The following LRRC37B variants were observed in gnomAD, a reference collection of about 807,000 sequenced individuals.
LRRC37B encodes leucine-rich repeat-containing protein 37B.
LRRC37B carries 28 observed loss-of-function variants against 98.3 expected under a neutral mutation model. That is an observed-to-expected ratio of 0.28 (90% CI 0.21 to 0.39). LRRC37B has a LOEUF of 0.39. Among genes scored for constraint, LRRC37B ranks in the 10% least tolerant of loss-of-function variants. LRRC37B has a pLI of 1.00. For synonymous variants in LRRC37B, 364 were observed against 442.7 expected (o/e 0.82, Z 2.23); for missense variants, 938 against 1,182.7 (o/e 0.79, Z 3.03).
At chr17:32,048,039 G>A in intron 9 of LRRC37B, 138 bp downstream of exon 12, 1 of 1,432,578 alleles carries the variant, frequency 7.0e-7, no homozygotes, top group East Asian at 2.3e-5. Context: ...AAATGTACAA[G>A]ATGGAGATAG....
intron 7 of LRRC37B, chr17:32,040,819 A>T (rs1911404362): frequency 1.2e-6 from 1 of 822,204 alleles, no homozygotes; most frequent in Non-Finnish European, 2.1e-6. Context: ...GACTCCCTGG[A>T]CATAGAGGTC....
exon 1 of LRRC37B, chr17:32,021,396 T>C (rs1910774344): frequency 2.5e-6 from 4 of 1,613,800 alleles, no homozygotes; most frequent in African/African-American, 1.3e-5. Context: ...TTCGCAGATG[T>C]CAGCCCTGCC....
intron 7 of LRRC37B, among the ~76,000 whole-genome samples, chr17:32,039,592 T>TA: frequency 7.7e-6 from 1 of 130,530 alleles, no homozygotes; most frequent in East Asian, 2.1e-4. Context: ...TTTTATATAT[T>TA]TATATATATT....
chr17:32,035,106 A>G, intron 6 of LRRC37B, 125 bp downstream of exon 9: 1 of 711,222 alleles, frequency 1.4e-6, no homozygotes, highest in Non-Finnish European at 2.3e-6. Context: ...AGTTATTGAA[A>G]AAAGTTATTG....
At chr17:32,021,150 T>C in exon 1 of LRRC37B, 1 of 1,614,010 alleles carries the variant, frequency 6.2e-7, no homozygotes, top group Non-Finnish European at 8.5e-7. Flanking sequence ...GTGTGTCATG[T>C]CTTGGCTGCG....
chr17:32,024,853 G>A (rs958356959), intron 2 of LRRC37B, 71 bp downstream of exon 5: 2 of 1,570,820 alleles, frequency 1.3e-6, no homozygotes, highest in Admixed American at 1.8e-5. Context: ...CCAGAATTTT[G>A]AGGTCCATAC....
chr17:32,046,599 C>CTTTTTTT (rs796570580), intron 8 of LRRC37B, among the ~76,000 whole-genome samples: 9 of 132,864 alleles, frequency 6.8e-5, no homozygotes, highest in Admixed American at 2.3e-4. Context: ...TTCTTTTTTT[C>CTTTTTTT]TTTTTTTTTT....
At chr17:32,029,066 A>T (rs1408003637) in intron 3 of LRRC37B, 1 of 151,690 alleles carries the variant, frequency 6.6e-6, no homozygotes, top group Middle Eastern at 3.2e-3. Flanking sequence ...CTGTGGTGCG[A>T]TCTCGGCTCA....
exon 1 of LRRC37B, chr17:32,022,640 G>T (rs759546606): frequency 1.2e-6 from 2 of 1,613,826 alleles, no homozygotes; most frequent in African/African-American, 1.3e-5. Flanking sequence ...TAGAATCTTC[G>T]CAGGATTCAT....
At chr17:32,011,502 A>G (rs1193039103) in intron 1 of LRRC37B, among the ~76,000 whole-genome samples, 1 of 142,088 alleles carries the variant, frequency 7.0e-6, no homozygotes, top group Non-Finnish European at 1.5e-5. Flanking sequence ...TCCTTTATGC[A>G]TTTTTCTTTT....
rs757402014 is a variant in LRRC37B at position 32,022,146 on chromosome 17, G to C, written c.1081G>C (p.Ala361Pro). The C allele has an allele frequency of 8.7e-6, 14 of 1,613,696 alleles. No individual in the cohort carries two copies. The South Asian group carries it at 1.5e-4, about 18-fold the overall frequency. ...AGTTCAACCTCCAGGTGAGGATCAA[G>C]CTCATTATAATTTGCCCAAGTTTAC... is the stretch of plus-strand genomic sequence containing the variant. The change falls in exon 1 of 12, where the codon GCT (alanine) becomes CCT (proline). Residue 361 changes from alanine (A) to proline (P), a missense_variant. By Grantham distance (27) the Ala-to-Pro change is conservative. Transcript: ENST00000327564.
intron 8 of LRRC37B, 31 bp downstream of exon 11, chr17:32,045,849 T>G: frequency 6.3e-7 from 1 of 1,583,524 alleles, no homozygotes; most frequent in Non-Finnish European, 8.6e-7. Context: ...GATAAATTGT[T>G]ACATTATTTT....
chr17:32,039,875 A>G (rs4092877), intron 7 of LRRC37B: 4 of 152,130 alleles, frequency 2.6e-5, no homozygotes, highest in South Asian at 2.1e-4. Context: ...TCAGCCTCCT[A>G]CAGCATCTTC....
intron 7 of LRRC37B, among the ~76,000 whole-genome samples, chr17:32,036,824 T>C (rs963698397): frequency 6.6e-6 from 1 of 152,174 alleles, no homozygotes; most frequent in Non-Finnish European, 1.5e-5. Context: ...TGTTTTCATT[T>C]CTTTGGGTAA....
At chr17:32,008,778 G>A (rs1164126831) in intron 1 of LRRC37B, among the ~76,000 whole-genome samples, 1 of 152,120 alleles carries the variant, frequency 6.6e-6, no homozygotes, top group East Asian at 1.9e-4. Flanking sequence ...AACAGTTGCT[G>A]GTAAATGGCT....
chr17:32,049,407 C>T lies in LRRC37B; in HGVS notation c.2757+13C>T. On this transcript the variant is annotated intron_variant, in intron 10 of 11. Coordinates refer to ENST00000327564, the Ensembl canonical transcript of LRRC37B. ...GAAGTCAAGTGAGGTGAGGACCACACAGAAACATGAGACCCAGATTTCCCA... is the reference window on the plus strand; with the variant it reads ...GAAGTCAAGTGAGGTGAGGACCACATAGAAACATGAGACCCAGATTTCCCA... 1 of 1,602,004 alleles carries T rather than the reference C, an allele frequency of 6.2e-7. No individual in the cohort carries two copies. Among genetic ancestry groups the T allele is most frequent in the Non-Finnish European group, 8.5e-7 (1 of 1,172,278 alleles).
intron 7 of LRRC37B, among the ~76,000 whole-genome samples, chr17:32,039,765 G>C (rs1170400906): frequency 2.0e-5 from 3 of 150,846 alleles, no homozygotes; most frequent in African/African-American, 4.9e-5. Context: ...GCATGGAAAG[G>C]GCCCTTCATT....
chr17:32,022,117 T>C (rs1190107251), exon 1 of LRRC37B: 1 of 1,613,288 alleles, frequency 6.2e-7, no homozygotes, highest in East Asian at 2.2e-5. Flanking sequence ...AATCATGAAG[T>C]GACAGTTCAA....
At chr17:32,021,483 C>T (rs1189154064) in exon 1 of LRRC37B, 1 of 1,614,018 alleles carries the variant, frequency 6.2e-7, no homozygotes, top group Admixed American at 1.7e-5. Flanking sequence ...GGGGCCAGAG[C>T]CGTTCTTGGC....
Sources: allele counts gnomAD v4.1 joint callset (sites outside exome capture counted in the v4.1 genomes callset), GRCh38; gene constraint gnomAD v4.1.1; transcripts MANE v1.5; gene names NCBI Gene and HGNC (gene_info 2026-07-23, HGNC 2026-07-21).